Variants in TAT observed in about 807,000 individuals in gnomAD.
TAT encodes L-tyrosine:2-oxoglutarate aminotransferase.
A neutral mutation model predicts 53.6 loss-of-function variants in TAT; 35 were observed. That is an observed-to-expected ratio of 0.65 (90% CI 0.50 to 0.87). The LOEUF is 0.87. Ranked by LOEUF, TAT falls within the 40% of genes least tolerant of loss-of-function variation. TAT has a pLI of 0.00. For synonymous variants in TAT, 197 were observed against 206.5 expected (o/e 0.95, Z 0.39); for missense variants, 525 against 571.8 (o/e 0.92, Z 0.83).
chr16:71,573,708 G>T, intron 3 of TAT, 102 bp from the exon 4 acceptor site: 1 of 1,046,236 alleles, frequency 9.6e-7, no homozygotes, highest in Non-Finnish European at 1.4e-6. Flanking sequence ...ATAGCTCACT[G>T]CGGCCTCAAA....
rs2044172096 is a variant in TAT at position 71,567,471 on chromosome 16, A to C, written c.*673T>G. 1 of 152,204 alleles carries C rather than the reference A, an allele frequency of 6.6e-6. No individual in the cohort carries two copies. Among genetic ancestry groups the C allele is most frequent in the Admixed American group, 6.6e-5 (1 of 15,266 alleles). 9.4% of individuals were successfully genotyped at this position (152,204 alleles called of 1,614,324 possible). On this transcript the variant is annotated 3_prime_UTR_variant, in exon 12 of 12. Transcript: ENST00000355962. ...TATATTGAACTTCTCTAAAAAAAGA[A>C]AAAAAAGAAAGCCTGATGCACACAA... is the stretch of plus-strand genomic sequence containing the variant.
intron 7 of TAT, 52 bp downstream of exon 7, chr16:71,571,554 C>A: frequency 6.6e-7 from 1 of 1,510,226 alleles, no homozygotes; most frequent in South Asian, 1.1e-5. Flanking sequence ...TTCTAAAGTT[C>A]CCATAAAATA....
rs1351778942 is a variant in TAT, at chr16:71,567,951, T to A, written c.*193A>T. On this transcript the variant is annotated 3_prime_UTR_variant, in exon 12 of 12. Transcript: ENST00000355962. ...TCTAGCAGCGCAGAGCAAGGGAGAATCTGCGATGTGAATGAGGAGGATCTG... is the reference window on the plus strand; with the variant it reads ...TCTAGCAGCGCAGAGCAAGGGAGAAACTGCGATGTGAATGAGGAGGATCTG... The A allele has an allele frequency of 1.5e-6, 1 of 649,170 alleles. No individual in the cohort carries two copies. Among genetic ancestry groups the A allele is most frequent in the Non-Finnish European group, 2.8e-6 (1 of 363,424 alleles). The allele number at this position is 649,170 out of a possible 1,614,324, so 40.2% of individuals were successfully genotyped here.
At chr16:71,576,721 A>G (rs2044237519) in intron 1 of TAT, among the ~76,000 whole-genome samples, 1 of 152,204 alleles carries the variant, frequency 6.6e-6, no homozygotes, top group African/African-American at 2.4e-5. Flanking sequence ...ACCAAGAAGG[A>G]ATAAGATGAA....
At position 71,571,600 on chromosome 16, in the gene TAT, A is replaced by T. The variant is rs1353017213; in HGVS notation, c.759+6T>A. The T allele has an allele frequency of 6.2e-7, 1 of 1,613,228 alleles. No individual in the cohort carries two copies. The highest frequency in any genetic ancestry group is 8.5e-7 in the Non-Finnish European group (1 of 1,179,164). ...ACTGTAGTGATATATCCTGATCAAG[A>T]CTCACCATGTCTCCATAGATCTCAT... On this transcript the variant is annotated splice_donor_region_variant and intron_variant, in intron 7 of 11. Coordinates refer to ENST00000355962, the MANE Select transcript of TAT (RefSeq NM_000353.3).
intron 10 of TAT, among the ~76,000 whole-genome samples, chr16:71,569,529 T>C (rs374333676): frequency 1.3e-5 from 2 of 152,084 alleles, no homozygotes; most frequent in Non-Finnish European, 2.9e-5. Flanking sequence ...GTAGAGACAA[T>C]AGAGTTTCAC....
chr16:71,576,519 C>G lies in TAT; in HGVS notation c.-12-92G>C, dbSNP rs576631779. 4.8e-6 allele frequency: 5 copies of G among 1,049,248 alleles called. No homozygotes were observed. The East Asian group carries it at 1.2e-4, about 26-fold the overall frequency. 65.0% of individuals were successfully genotyped at this position (1,049,248 alleles called of 1,614,324 possible). On this transcript the variant is annotated intron_variant, in intron 1 of 11. Coordinates refer to ENST00000355962, the MANE Select transcript of TAT (RefSeq NM_000353.3). Reference sequence around the variant, plus strand: ...TGGACCTAAACATTGGGTGACTTCACTAAAAGTGTCTTTCCAAACTCTCTC... The same window carrying G: ...TGGACCTAAACATTGGGTGACTTCAGTAAAAGTGTCTTTCCAAACTCTCTC...
intron 10 of TAT, 37 bp from the exon 11 acceptor site, chr16:71,568,846 G>T: frequency 1.3e-6 from 2 of 1,549,710 alleles, no homozygotes; most frequent in Non-Finnish European, 1.8e-6. Flanking sequence ...CTTATCAGAA[G>T]GAGGGAGAAC....
In TAT at chr16:71,573,620, G is replaced by C. The variant is rs1474267209; in HGVS notation, c.341-14C>G. On this transcript the variant is annotated splice_polypyrimidine_tract_variant and intron_variant, in intron 3 of 11. Coordinates refer to ENST00000355962, the MANE Select transcript of TAT (RefSeq NM_000353.3). ...TGGATAGGAAGCCTGAAAGAAAAGA[G>C]TGGAAAGTGGAGCTTTTTTGGTTTT... 1.9e-6 allele frequency: 3 copies of C among 1,551,512 alleles called. No individual in the cohort carries two copies. Among genetic ancestry groups the C allele is most frequent in the Non-Finnish European group, 2.6e-6 (3 of 1,146,800 alleles).
intron 10 of TAT, among the ~76,000 whole-genome samples, 183 bp downstream of exon 10, chr16:71,569,671 A>G (rs1248060490): frequency 6.6e-6 from 1 of 152,222 alleles, no homozygotes; most frequent in Non-Finnish European, 1.5e-5. Flanking sequence ...TTTTATGAGA[A>G]CTGATAGAGG....
chr16:71,575,508 C>T (rs2044229051), intron 3 of TAT: 1 of 269,860 alleles, frequency 3.7e-6, no homozygotes, highest in African/African-American at 2.2e-5. Context: ...GAAAATAGGC[C>T]TTCAATACAT....
rs377114112 is a variant in TAT, at chr16:71,573,684, G to A, written c.341-78C>T. 1.8e-4 allele frequency: 235 copies of A among 1,286,536 alleles called. 3 individuals carry two copies. In the African/African-American group the frequency reaches 3.0e-3, roughly 16 times the overall value. 79.7% of individuals were successfully genotyped at this position (1,286,536 alleles called of 1,614,324 possible). Reference sequence around the variant, plus strand: ...TCACTCTGTCACCCGGACTTGGAGTGCAGTGACACAGCCATAGCTCACTGC... The same window carrying A: ...TCACTCTGTCACCCGGACTTGGAGTACAGTGACACAGCCATAGCTCACTGC... On this transcript the variant is annotated intron_variant, in intron 3 of 11. Coordinates refer to ENST00000355962, the MANE Select transcript of TAT (RefSeq NM_000353.3).
rs16973337 is a variant in TAT, at chr16:71,572,507, T to C, written c.567+23A>G. ...ACAGGTTAGTAACTGAGCATTTGAG[T>C]CTAAGATTAAAAAGTCATTTACCAA... On this transcript the variant is annotated intron_variant, in intron 5 of 11. Coordinates refer to ENST00000355962, the MANE Select transcript of TAT (RefSeq NM_000353.3). 6.8e-3 allele frequency: 10,918 copies of C among 1,613,996 alleles called. 641 individuals are homozygous for C. In the African/African-American group the frequency reaches 0.13, roughly 19 times the overall value.
At chr16:71,568,588 G>A (rs572447419) in intron 11 of TAT, 123 bp downstream of exon 11, 1 of 847,368 alleles carries the variant, frequency 1.2e-6, no homozygotes, top group African/African-American at 1.7e-5. Context: ...ACATCAGTTT[G>A]AATCTTATCA....
chr16:71,568,526 G>C (rs2044179349), intron 11 of TAT, 185 bp downstream of exon 11: 1 of 697,556 alleles, frequency 1.4e-6, no homozygotes, highest in Non-Finnish European at 2.5e-6. Context: ...TCCCAGTATG[G>C]ATGGGATTAT....
intron 11 of TAT, 84 bp downstream of exon 11, chr16:71,568,627 A>G: frequency 9.8e-7 from 1 of 1,025,412 alleles, no homozygotes; most frequent in Non-Finnish European, 1.5e-6. Context: ...TGGAGGAGAA[A>G]AGATCAGGCT....
chr16:71,572,798 TG>T, intron 4 of TAT, 110 bp from the exon 5 acceptor site: 1 of 1,243,260 alleles, frequency 8.0e-7, no homozygotes, highest in Non-Finnish European at 1.2e-6. Context: ...TTTAACAAGT[TG>T]TAAGTAGTAG....
intron 11 of TAT, chr16:71,568,493 G>T (rs1567589934): frequency 1.5e-6 from 1 of 688,556 alleles, no homozygotes; most frequent in Non-Finnish European, 2.5e-6. Flanking sequence ...CTCTCACCTA[G>T]AACGTTTGTT....
At position 71,567,030 on chromosome 16, in the gene TAT, A is replaced by C. The variant is rs990452923; in HGVS notation, c.*1114T>G. ...ATGATTATATAACAATGACAAGTGA[A>C]GATATTTCTGGCCCTTACACAGTAG... is the stretch of plus-strand genomic sequence containing the variant. On this transcript the variant is annotated 3_prime_UTR_variant, in exon 12 of 12. Transcript: ENST00000355962. The C allele has an allele frequency of 9.2e-5, 14 of 152,260 alleles. No individual in the cohort carries two copies. The highest frequency in any genetic ancestry group is 8.5e-4 in the Admixed American group (13 of 15,292). 9.4% of individuals were successfully genotyped at this position (152,260 alleles called of 1,614,324 possible). A position where few individuals can be genotyped will look rare whatever the true frequency, so the allele number is the denominator to read the frequency against.
Sources: gnomAD v4.1 joint callset for allele counts (sites outside exome capture counted in the v4.1 genomes callset) on GRCh38, gnomAD v4.1.1 for gene constraint, MANE v1.5 for transcripts, NCBI Gene and HGNC (gene_info 2026-07-23, HGNC 2026-07-21) for gene names.